UBE2J2: variants seen among roughly 807,000 people sequenced by gnomAD.
UBE2J2 encodes ubiquitin-conjugating enzyme E2 J2.
In UBE2J2, 5 loss-of-function variants were observed where a neutral mutation model predicts 28.6. That is an observed-to-expected ratio of 0.17 (90% CI 0.09 to 0.37). The LOEUF is 0.37. Among genes scored for constraint, UBE2J2 ranks in the 10% least tolerant of loss-of-function variants. UBE2J2 has a pLI of 1.00. For synonymous variants in UBE2J2, 138 were observed against 139.7 expected, an observed-to-expected ratio of 0.99 and a Z score of 0.09; for missense variants, 226 against 338.9, an observed-to-expected ratio of 0.67 and a Z score of 2.62.
chr1:1,257,519 C>A (rs1237618529), intron 3 of UBE2J2, among the ~76,000 whole-genome samples: 2 of 150,480 alleles, frequency 1.3e-5, no homozygotes, highest in Admixed American at 1.3e-4. Context: ...ACCACCCAGA[C>A]CCAATGCCCC....
intron 1 of UBE2J2, among the ~76,000 whole-genome samples, chr1:1,270,085 C>A (rs1316148912): frequency 1.3e-5 from 2 of 152,208 alleles, no homozygotes; most frequent in Non-Finnish European, 2.9e-5. Context: ...CCCGCTCTCT[C>A]TAGCCTGCTG....
In UBE2J2 at chr1:1,268,022, G is replaced by A. The variant is rs369127535; in HGVS notation, c.1-30C>T. 67 of 1,609,058 alleles carry A rather than the reference G, an allele frequency of 4.2e-5. No homozygotes were observed. In the African/African-American group the frequency reaches 4.5e-4, roughly 11 times the overall value. ...TAAAAGCAACGTCTACACTGACGACGAGAAGCAGCGCCGGCCACAGCTCTC... is the reference window on the plus strand; with the variant it reads ...TAAAAGCAACGTCTACACTGACGACAAGAAGCAGCGCCGGCCACAGCTCTC... On this transcript the variant is annotated intron_variant, in intron 1 of 6. Coordinates refer to ENST00000349431, the MANE Select transcript of UBE2J2 (RefSeq NM_058167.3). The surrounding 1 kb of genome is among the most constrained non-coding windows in gnomAD (Gnocchi z 4.7).
chr1:1,268,877 ATGTTG>A lies in UBE2J2; in HGVS notation c.1-890_1-886del, dbSNP rs1640011113. Among the ~76,000 whole-genome samples, 1 of 151,006 alleles carries A rather than the reference ATGTTG, an allele frequency of 6.6e-6. No homozygotes were observed. Among genetic ancestry groups the A allele is most frequent in the Non-Finnish European group, 1.5e-5 (1 of 67,834 alleles). On this transcript the variant is annotated intron_variant, in intron 1 of 6. Transcript: ENST00000349431. This position sits in a 1 kb window ranked among gnomAD's most constrained non-coding sequence, Gnocchi z 4.7. The stretch of plus-strand genomic sequence containing the variant: ...TTTTTTGTAGAGCTGGGATCTCACT[ATGTTG>A]CCCAAGGTGGTCTCAAACTCCTGGC...
intron 2 of UBE2J2, among the ~76,000 whole-genome samples, chr1:1,264,407 TGCCAACACCG>T (rs980731236): frequency 5.3e-5 from 8 of 152,196 alleles, no homozygotes; most frequent in African/African-American, 1.9e-4. Flanking sequence ...TGGCTTCAAC[TGCCAACACCG>T]GCCAACACCG....
chr1:1,270,353 C>T (rs1366849698), intron 1 of UBE2J2, among the ~76,000 whole-genome samples: 2 of 152,176 alleles, frequency 1.3e-5, no homozygotes, highest in East Asian at 3.8e-4. Context: ...AGAACCACCA[C>T]CAGCAGCCTG....
intron 3 of UBE2J2, among the ~76,000 whole-genome samples, chr1:1,259,258 CGT>C (rs1262172973): frequency 4.6e-5 from 7 of 150,724 alleles, no homozygotes; most frequent in East Asian, 2.0e-4. Flanking sequence ...CATCAGGACA[CGT>C]GTGTGTGCAT....
In UBE2J2 at chr1:1,267,618, C is replaced by A. The variant is rs1415622975; in HGVS notation, c.131+244G>T. 17 of 1,048,718 alleles carry A rather than the reference C, an allele frequency of 1.6e-5. No homozygotes were observed. In the Admixed American group the frequency reaches 3.3e-4, roughly 21 times the overall value. 65.0% of individuals were successfully genotyped at this position (1,048,718 alleles called of 1,614,324 possible). Reference sequence around the variant, plus strand: ...CCCCGCCCCCCTCAAGGGCCCCACACCGGAGATTCTCTCCAGCCCCAGCCT... The same window carrying A: ...CCCCGCCCCCCTCAAGGGCCCCACAACGGAGATTCTCTCCAGCCCCAGCCT... On this transcript the variant is annotated intron_variant, in intron 2 of 6. Coordinates refer to ENST00000349431, the MANE Select transcript of UBE2J2 (RefSeq NM_058167.3).
rs1264303958 is a variant in UBE2J2 at position 1,266,012 on chromosome 1, G to A, written c.131+1850C>T. 24 of 1,283,088 alleles carry A rather than the reference G, an allele frequency of 1.9e-5. No homozygotes were observed. The South Asian group carries it at 2.9e-4, about 15-fold the overall frequency. 79.5% of individuals were successfully genotyped at this position (1,283,088 alleles called of 1,614,324 possible). ...GGGACTTGGGGACGCCTGACCCACA[G>A]ATTTGTGGGGAGGGATTTCCCCACA... On this transcript the variant is annotated intron_variant, in intron 2 of 6. Transcript: ENST00000349431.
chr1:1,265,594 TTCTCTCCA>T (rs1639807045), intron 2 of UBE2J2, among the ~76,000 whole-genome samples: 1 of 141,686 alleles, frequency 7.1e-6, no homozygotes, highest in African/African-American at 2.7e-5. Context: ...TGTGTGTGTT[TTCTCTCCA>T]TTGTGTGTGT....
At chr1:1,265,975 C>T (rs374221931) in intron 2 of UBE2J2, 25 of 1,120,356 alleles carry the variant, frequency 2.2e-5, no homozygotes, top group Middle Eastern at 2.4e-4. Flanking sequence ...TGTGAATCAT[C>T]GAACCTGCAC....
chr1:1,259,194 T>C (rs1557553100), intron 3 of UBE2J2, among the ~76,000 whole-genome samples: 1 of 150,146 alleles, frequency 6.7e-6, no homozygotes, highest in Non-Finnish European at 1.5e-5. Context: ...GACGCACTTG[T>C]GTGCATGTGT....
intron 1 of UBE2J2, among the ~76,000 whole-genome samples, chr1:1,272,301 C>A (rs1366156837): frequency 2.6e-5 from 4 of 152,104 alleles, no homozygotes; most frequent in African/African-American, 9.7e-5. Flanking sequence ...AACAAAAAGG[C>A]ACAGGAAAAA....
intron 1 of UBE2J2, among the ~76,000 whole-genome samples, chr1:1,272,201 C>T (rs191326274): frequency 6.6e-6 from 1 of 152,056 alleles, no homozygotes; most frequent in East Asian, 1.9e-4. Context: ...GAGTTTGAAG[C>T]ATATGTGCCT....
At chr1:1,262,839 C>T (rs911230924) in intron 3 of UBE2J2, 1 of 173,416 alleles carries the variant, frequency 5.8e-6, no homozygotes, top group Non-Finnish European at 1.3e-5. Context: ...GCTGGATCAG[C>T]CTTGGTAGTC....
At chr1:1,258,454 C>T (rs1156240717) in intron 3 of UBE2J2, among the ~76,000 whole-genome samples, 1 of 152,120 alleles carries the variant, frequency 6.6e-6, no homozygotes, top group Non-Finnish European at 1.5e-5. Flanking sequence ...CCCCTCTTCC[C>T]ACTCCAGCCA....
intron 1 of UBE2J2, among the ~76,000 whole-genome samples, chr1:1,269,611 C>T (rs1640048020): frequency 6.6e-6 from 1 of 152,110 alleles, no homozygotes; most frequent in African/African-American, 2.4e-5. Flanking sequence ...CAGGTGCCTG[C>T]CACCATGCCA....
chr1:1,270,982 A>G (rs1349025716), intron 1 of UBE2J2, among the ~76,000 whole-genome samples: 3 of 152,180 alleles, frequency 2.0e-5, no homozygotes, highest in Non-Finnish European at 4.4e-5. Flanking sequence ...GAAACTCCCC[A>G]GGCCCTTCCC....
At chr1:1,263,140 GCCC>G in intron 3 of UBE2J2, 2 of 571,704 alleles carry the variant, frequency 3.5e-6, no homozygotes, top group Non-Finnish European at 3.2e-6. Context: ...GCTACAGGCG[GCCC>G]TGCAGGCTGA....
In UBE2J2 at chr1:1,271,974, C is replaced by CAAAAAAAAAAAAAAAA. The variant is rs60924258; in HGVS notation, c.-1+1676_-1+1691dup. Among the ~76,000 whole-genome samples the CAAAAAAAAAAAAAAAA allele has an allele frequency of 1.7e-3, 47 of 27,606 alleles. 4 individuals are homozygous for CAAAAAAAAAAAAAAAA. The highest frequency in any genetic ancestry group is 9.9e-3 in the East Asian group (5 of 506). 18.1% of individuals were successfully genotyped at this position (27,606 alleles called of 152,430 possible). ...GGGCAACAAGAGCGAAACTCCGTCT[C>CAAAAAAAAAAAAAAAA]AAAAAAAAAAAAAAAAAAAAAAAAA... On this transcript the variant is annotated intron_variant, in intron 1 of 6. Transcript: ENST00000349431.
Sources: gnomAD v4.1 joint callset for allele counts (sites outside exome capture counted in the v4.1 genomes callset) on GRCh38, gnomAD v4.1.1 for gene constraint, Gnocchi (gnomAD v3.1) non-coding constraint, MANE v1.5 for transcripts, NCBI Gene and HGNC (gene_info 2026-07-23, HGNC 2026-07-21) for gene names.